The following UNC79 variants were observed in gnomAD, a reference collection of about 807,000 sequenced individuals.
UNC79 encodes the protein protein unc-79 homolog.
UNC79 carries 37 observed loss-of-function variants against 283.1 expected under a neutral mutation model. The ratio of observed to expected loss-of-function variants is 0.13; its 90% CI spans 0.10 to 0.17. The LOEUF is 0.17. Ranked by LOEUF, UNC79 falls within the 10% of genes least tolerant of loss-of-function variation. The pLI is 1.00. For synonymous variants in UNC79, 1,107 were observed against 1,200.2 expected, an observed-to-expected ratio of 0.92 and a Z score of 1.61; for missense variants, 2,272 against 3,211.1, an observed-to-expected ratio of 0.71 and a Z score of 7.07.
At chr14:93,530,611 T>TA (rs1232043454) in intron 10 of UNC79, among the ~76,000 whole-genome samples, 6 of 144,830 alleles carry the variant, frequency 4.1e-5, no homozygotes, top group Admixed American at 6.9e-5. Context: ...GACCTTGTCT[T>TA]AAAAAAAACA....
intron 7 of UNC79, among the ~76,000 whole-genome samples, chr14:93,516,916 A>T (rs1218590517): frequency 1.3e-5 from 2 of 151,956 alleles, no homozygotes; most frequent in Admixed American, 1.3e-4. Flanking sequence ...TAGTGTACAG[A>T]TATTATATTT....
chr14:93,467,891 C>T, intron 2 of UNC79, 100 bp downstream of exon 2: 1 of 1,315,728 alleles, frequency 7.6e-7, no homozygotes, highest in African/African-American at 1.5e-5. Flanking sequence ...TTTAAAGGGC[C>T]TATGTTTTCT....
At chr14:93,425,329 C>T (rs2055702438) in intron 1 of UNC79, among the ~76,000 whole-genome samples, 2 of 152,212 alleles carry the variant, frequency 1.3e-5, no homozygotes, top group South Asian at 2.1e-4. Flanking sequence ...ACTGAATTAC[C>T]TCCCACTGGA....
chr14:93,581,727 C>T (rs1473647650), intron 19 of UNC79, among the ~76,000 whole-genome samples: 2 of 151,834 alleles, frequency 1.3e-5, no homozygotes, highest in Middle Eastern at 3.4e-3. Flanking sequence ...TTCCCGACCT[C>T]GTGATCCGCC....
chr14:93,707,600 G>T (rs529200187), downstream of UNC79: 6 of 152,124 alleles, frequency 3.9e-5, no homozygotes, highest in Admixed American at 3.9e-4. Flanking sequence ...TTATTCTTTT[G>T]TTAATACTTG....
At chr14:93,508,333 A>G (rs573502182) in intron 7 of UNC79, among the ~76,000 whole-genome samples, 3 of 152,284 alleles carry the variant, frequency 2.0e-5, no homozygotes, top group Admixed American at 1.3e-4. Context: ...AGTCTGGGCA[A>G]CATGGTGAGA....
At chr14:93,558,576 A>G (rs1415761314) in intron 14 of UNC79, among the ~76,000 whole-genome samples, 5 of 139,606 alleles carry the variant, frequency 3.6e-5, no homozygotes, top group Admixed American at 3.5e-4. Context: ...AAAATCTTGT[A>G]GAGGAGAGAA....
At chr14:93,496,355 G>A (rs1595647292) in intron 5 of UNC79, 56 bp from the exon 6 acceptor site, 4 of 1,170,476 alleles carry the variant, frequency 3.4e-6, no homozygotes, top group South Asian at 1.6e-5. Flanking sequence ...GTATATCAAA[G>A]GATGTTTTGT....
At chr14:93,385,682 G>A (rs952798923) in intron 1 of UNC79, among the ~76,000 whole-genome samples, 1 of 152,008 alleles carries the variant, frequency 6.6e-6, no homozygotes, top group Non-Finnish European at 1.5e-5. Flanking sequence ...GGTAGGCTGA[G>A]GCAGGAGAAT....
chr14:93,617,347 T>A lies in UNC79; in HGVS notation c.4224+43T>A. 1 of 1,601,120 alleles carries A rather than the reference T, an allele frequency of 6.2e-7. No homozygotes were observed. The highest frequency in any genetic ancestry group is 1.1e-5 in the South Asian group (1 of 88,860). On this transcript the variant is annotated intron_variant, in intron 28 of 48. Coordinates refer to ENST00000555664, the Ensembl canonical transcript of UNC79. This position sits in a 1 kb window ranked among gnomAD's most constrained non-coding sequence, Gnocchi z 4.5. Reference sequence around the variant, plus strand: ...TGCTGTTTTGGATGCAATGGTTCTCTTAGAGAGCATATAGCATTAGGAGAA... The same window carrying A: ...TGCTGTTTTGGATGCAATGGTTCTCATAGAGAGCATATAGCATTAGGAGAA...
In UNC79 at chr14:93,365,827, G is replaced by A. The variant is rs148615471; in HGVS notation, c.-351+32304G>A. 5.8e-3 allele frequency among the ~76,000 whole-genome samples: 880 copies of A among 152,188 alleles called. 2 individuals carry two copies. The highest frequency in any genetic ancestry group is 9.7e-3 in the Non-Finnish European group (662 of 67,996). On this transcript the variant is annotated intron_variant, in intron 1 of 49. Transcript: ENST00000256339. ...TTCAGATAGAGAAAATGGAAGGGAG[G>A]AAATAAAGGAGTCAAATAAAAGTTT...
intron 39 of UNC79, among the ~76,000 whole-genome samples, chr14:93,661,841 T>TA (rs993797709): frequency 1.3e-5 from 2 of 152,198 alleles, no homozygotes; most frequent in African/African-American, 4.8e-5. Flanking sequence ...ATTAAATCAC[T>TA]TATTCAAGGT....
At chr14:93,528,440 A>G (rs2060644751) in intron 8 of UNC79, 118 bp from the exon 9 acceptor site, 1 of 871,396 alleles carries the variant, frequency 1.1e-6, no homozygotes, top group Non-Finnish European at 1.8e-6. Context: ...TTTACTAAAA[A>G]TGTTTATTCC....
intron 1 of UNC79, among the ~76,000 whole-genome samples, chr14:93,389,825 G>A (rs1208888208): frequency 6.6e-6 from 1 of 152,126 alleles, no homozygotes; most frequent in South Asian, 2.1e-4. Flanking sequence ...CTAATTTTGT[G>A]TATTTTTAGT....
chr14:93,347,296 G>T lies in UNC79; in HGVS notation c.-351+13773G>T, dbSNP rs761136486. The T allele has an allele frequency of 3.1e-6, 5 of 1,604,678 alleles. No individual in the cohort carries two copies. The Admixed American group carries it at 8.4e-5, about 27-fold the overall frequency. On this transcript the variant is annotated intron_variant, in intron 1 of 49. Coordinates refer to the UNC79 transcript ENST00000256339. ...GCCTCTCCTGCGTGGGCGCTGTCCTGCCCGCCGCCACTACCGCCGCTTGGC... is the reference window on the plus strand; with the variant it reads ...GCCTCTCCTGCGTGGGCGCTGTCCTTCCCGCCGCCACTACCGCCGCTTGGC...
chr14:93,447,400 C>A (rs999857622), intron 1 of UNC79, among the ~76,000 whole-genome samples: 1 of 152,112 alleles, frequency 6.6e-6, no homozygotes, highest in Admixed American at 6.5e-5. Flanking sequence ...ACTTTATAGG[C>A]CCATATCCCT....
chr14:93,396,767 A>ATG (rs1413500764), intron 1 of UNC79, among the ~76,000 whole-genome samples: 6 of 76,418 alleles, frequency 7.9e-5, no homozygotes, highest in Admixed American at 1.5e-4. Flanking sequence ...TGCAAAGGGC[A>ATG]TGTGTGTGTA....
rs528983496 is a variant in UNC79 at position 93,407,342 on chromosome 14, C to CA, written c.-350-60327dup. On this transcript the variant is annotated intron_variant, in intron 1 of 49. Coordinates refer to the UNC79 transcript ENST00000256339. Reference sequence around the variant, plus strand: ...TACAGGGAGCAGAAGCCTCTAAATGCAATACCTGATAGAAACACTTAAACA... The same window carrying CA: ...TACAGGGAGCAGAAGCCTCTAAATGCAAATACCTGATAGAAACACTTAAACA... 1.1e-4 allele frequency among the ~76,000 whole-genome samples: 17 copies of CA among 152,258 alleles called. No homozygotes were observed. In the South Asian group the frequency reaches 3.5e-3, roughly 32 times the overall value.
chr14:93,502,716 C>A (rs1339976128), intron 7 of UNC79, among the ~76,000 whole-genome samples: 1 of 152,178 alleles, frequency 6.6e-6, no homozygotes, highest in East Asian at 1.9e-4. Flanking sequence ...AGATGTTACA[C>A]AAGATGTACA....
Sources: gnomAD v4.1 joint callset for allele counts (sites outside exome capture counted in the v4.1 genomes callset) on GRCh38, gnomAD v4.1.1 for gene constraint, Gnocchi (gnomAD v3.1) non-coding constraint, MANE v1.5 for transcripts, NCBI Gene and HGNC (gene_info 2026-07-23, HGNC 2026-07-21) for gene names.